NLGN2: variants seen among roughly 807,000 people sequenced by gnomAD.
The protein encoded by NLGN2 is neuroligin-2.
NLGN2 carries 11 observed loss-of-function variants against 48.6 expected under a neutral mutation model. The observed-to-expected ratio is 0.23, with a 90% CI of 0.14 to 0.37. NLGN2 has a LOEUF of 0.37. NLGN2 is among the 10% of genes least tolerant of loss of function. The pLI is 1.00. For synonymous variants in NLGN2, 548 were observed against 550.0 expected, an observed-to-expected ratio of 1.00 and a Z score of 0.05; for missense variants, 801 against 1,225.2, an observed-to-expected ratio of 0.65 and a Z score of 5.17.
intron 2 of NLGN2, 27 bp from the exon 3 acceptor site, chr17:7,414,317 C>T: frequency 7.4e-7 from 1 of 1,355,360 alleles, no homozygotes. Flanking sequence ...GACCCCCTGG[C>T]CCACCTGCCC....
intron 6 of NLGN2, 29 bp from the exon 7 acceptor site, chr17:7,416,897 C>T: frequency 6.2e-7 from 1 of 1,611,620 alleles, no homozygotes; most frequent in South Asian, 1.1e-5. Flanking sequence ...GCCCTCACTC[C>T]TCCTTTCCCT....
intron 1 of NLGN2, 64 bp from the exon 2 acceptor site, chr17:7,412,093 C>A: frequency 9.3e-7 from 1 of 1,073,090 alleles, no homozygotes; most frequent in South Asian, 1.3e-5. Flanking sequence ...CACCACCTCC[C>A]CCCGACCCCC....
Position 7,417,148 on chromosome 17 carries a change from C to A in NLGN2, c.1857C>A (p.Thr619=), listed in dbSNP as rs1463862230. ...HNLHTELFTT[T]TRLPPYATRW... is the part of the protein sequence containing the mutation. ...TGCACACGGAGCTCTTCACCACCAC[C>A]ACGCGCCTGCCTCCCTACGCCACGC... The change falls in exon 7 of 7, where the codon ACC becomes ACA. Residue 619 remains threonine, a synonymous_variant. Coordinates refer to ENST00000302926, the MANE Select transcript of NLGN2 (RefSeq NM_020795.4). 6.2e-7 allele frequency: 1 copy of A among 1,606,668 alleles called. No individual in the cohort carries two copies. The highest frequency in any genetic ancestry group is 8.5e-7 in the Non-Finnish European group (1 of 1,178,744).
At chr17:7,416,133 G>A (rs1407741264) in intron 6 of NLGN2, 26 bp downstream of exon 6, 1 of 1,485,270 alleles carries the variant, frequency 6.7e-7, no homozygotes, top group Non-Finnish European at 9.4e-7. Context: ...GCTGGGCGGG[G>A]CTGGGCGGGG....
rs746907400 is a variant in NLGN2, at chr17:7,414,365, A to G, written c.530A>G (p.Lys177Arg). Residue 177 changes from lysine (K) to arginine (R), a missense_variant, in exon 3 of 7, where the codon AAG becomes AGG. By Grantham distance (26) the Lys-to-Arg change is conservative (BLOSUM62 2). This residue lies in a region of NLGN2 where 56 missense variants were observed against 100.0 expected (regional missense o/e 0.56). Coordinates refer to ENST00000302926, the MANE Select transcript of NLGN2 (RefSeq NM_020795.4). ...ACAGATATCCGTGACCCTGGGAAGA[A>G]GCCTGTGATGCTGTTTCTCCATGGC... ...PDTDIRDPGK[K>R]PVMLFLHGGS... is the part of the protein sequence containing the mutation. 6.2e-7 allele frequency: 1 copy of G among 1,614,182 alleles called. No homozygotes were observed.
At chr17:7,406,763 G>C (rs1906662998), upstream of NLGN2, among the ~76,000 whole-genome samples, 1 of 152,012 alleles carries the variant, frequency 6.6e-6, no homozygotes, top group African/African-American at 2.4e-5. Context: ...AGCAACTGTA[G>C]GGGGGGTGGC....
intron 1 of NLGN2, among the ~76,000 whole-genome samples, chr17:7,409,008 A>T (rs1362369925): frequency 6.6e-6 from 1 of 152,128 alleles, no homozygotes; most frequent in African/African-American, 2.4e-5. Context: ...CCAAAGAGGC[A>T]CAGTCTGCCA....
upstream of NLGN2, chr17:7,404,790 C>A (rs2150808021): frequency 6.6e-6 from 1 of 152,234 alleles, no homozygotes; most frequent in South Asian, 2.1e-4. Flanking sequence ...GGAGGGCGGG[C>A]GGGCAGGCGG....
At chr17:7,410,923 G>A (rs563438260) in intron 1 of NLGN2, among the ~76,000 whole-genome samples, 33 of 152,312 alleles carry the variant, frequency 2.2e-4, no homozygotes, top group Middle Eastern at 6.8e-3. Flanking sequence ...TTCCCAGCGG[G>A]TCCCCATGGG....
chr17:7,404,962 AGCCAGGAGTCCGG>A (rs936938876), upstream of NLGN2: 2 of 151,104 alleles, frequency 1.3e-5, no homozygotes, highest in African/African-American at 2.4e-5. Context: ...TGGCGCGCGG[AGCCAGGAGTCCGG>A]GCCTCCCGGC....
Position 7,417,952 on chromosome 17 carries a change from G to T in NLGN2, c.*153G>T. The T allele has an allele frequency of 1.6e-6, 1 of 617,986 alleles. No individual in the cohort carries two copies. The allele number at this position is 617,986 out of a possible 1,614,324, so 38.3% of individuals were successfully genotyped here. On this transcript the variant is annotated 3_prime_UTR_variant, in exon 7 of 7. Coordinates refer to ENST00000302926, the MANE Select transcript of NLGN2 (RefSeq NM_020795.4). ...GACATGGGATTCCTCCCTGCGATGC[G>T]TGTCTTTCCCACGCAGAGAAGCCCA...
rs1567658981 is a variant in NLGN2 at position 7,408,183 on chromosome 17, T to TCCCTCTCCCC, written c.-68_-59dup. The TCCCTCTCCCC allele has an allele frequency of 1.2e-5, 10 of 809,000 alleles. No homozygotes were observed. The Admixed American group carries it at 1.4e-4, about 11-fold the overall frequency. 50.1% of individuals were successfully genotyped at this position (809,000 alleles called of 1,614,324 possible). The stretch of plus-strand genomic sequence containing the variant: ...CCTCCTGGGGCGAGGGGGGCCTCCC[T>TCCCTCTCCCC]CCCTCTCCCCCCCTTCTCTCTCTCT... On this transcript the variant is annotated 5_prime_UTR_variant, in exon 1 of 7. Transcript: ENST00000302926. This position sits in a 1 kb window ranked among gnomAD's most constrained non-coding sequence, Gnocchi z 7.5.
At position 7,408,045 on chromosome 17, in the gene NLGN2, C is replaced by A; in HGVS notation, c.-211C>A. 2 of 339,546 alleles carry A rather than the reference C, an allele frequency of 5.9e-6. No individual in the cohort carries two copies. Among genetic ancestry groups the A allele is most frequent in the Non-Finnish European group, 1.1e-5 (2 of 190,096 alleles). The allele number at this position is 339,546 out of a possible 1,614,324, so 21.0% of individuals were successfully genotyped here. On this transcript the variant is annotated 5_prime_UTR_variant, in exon 1 of 7. Transcript: ENST00000302926. The surrounding 1 kb of genome is among the most constrained non-coding windows in gnomAD (Gnocchi z 7.5). ...TGCCTTCACCTTCTCCCATTTCCTTCCCCTTCCCCACCCCGTGCCCCCTCC... is the reference window on the plus strand; with the variant it reads ...TGCCTTCACCTTCTCCCATTTCCTTACCCTTCCCCACCCCGTGCCCCCTCC...
chr17:7,408,419 G>A lies in NLGN2; in HGVS notation c.164G>A (p.Arg55Gln). 1 of 1,567,538 alleles carries A rather than the reference G, an allele frequency of 6.4e-7. No individual in the cohort carries two copies. The highest frequency in any genetic ancestry group is 8.6e-7 in the Non-Finnish European group (1 of 1,161,104). Residue 55 changes from arginine (R) to glutamine (Q), a missense_variant, in exon 1 of 7, where the codon CGG (arginine) becomes CAG (glutamine). This residue lies in a region of NLGN2 where 164 missense variants were observed against 186.2 expected (regional missense o/e 0.88). Transcript: ENST00000302926. The surrounding 1 kb of genome is among the most constrained non-coding windows in gnomAD (Gnocchi z 7.5). ...NTAYGRVRGV[R>Q]RELNNEILGP... Reference sequence around the variant, plus strand: ...GCCTACGGGCGAGTGCGCGGTGTGCGGCGCGAGCTCAACAACGAGATCCTG... The same window carrying A: ...GCCTACGGGCGAGTGCGCGGTGTGCAGCGCGAGCTCAACAACGAGATCCTG...
rs768281886 is a variant in NLGN2, at chr17:7,411,884, C to T, written c.458-273C>T. Among the ~76,000 whole-genome samples the T allele has an allele frequency of 2.8e-4, 43 of 152,112 alleles. No individual in the cohort carries two copies. The highest frequency in any genetic ancestry group is 1.4e-3 in the Admixed American group (21 of 15,268). Reference sequence around the variant, plus strand: ...GTCTTAAGACAGGCCTCAGCCCACTCAGGCACCCCACCCCCCCAAAACCAG... The same window carrying T: ...GTCTTAAGACAGGCCTCAGCCCACTTAGGCACCCCACCCCCCCAAAACCAG... On this transcript the variant is annotated intron_variant, in intron 1 of 6. Coordinates refer to ENST00000302926, the MANE Select transcript of NLGN2 (RefSeq NM_020795.4). This position sits in a 1 kb window ranked among gnomAD's most constrained non-coding sequence, Gnocchi z 4.5.
Position 7,417,688 on chromosome 17 carries a change from A to AC in NLGN2, c.2402dup (p.Pro802ThrfsTer196). On this transcript the variant is annotated frameshift_variant, in exon 7 of 7. Transcript: ENST00000302926. LOFTEE classifies it high-confidence loss of function. ...TGCCCAGTGGCCTGGGGCCACCGCC[A>AC]CCCCCACCGCCCCCCTCCCTTCATC... 1 of 463,048 alleles carries AC rather than the reference A, an allele frequency of 2.2e-6. No homozygotes were observed. The highest frequency in any genetic ancestry group is 5.8e-5 in the South Asian group (1 of 17,254). The allele number at this position is 463,048 out of a possible 1,614,324, so 28.7% of individuals were successfully genotyped here.
chr17:7,414,571 G>A, intron 3 of NLGN2, 78 bp downstream of exon 3: 1 of 1,611,542 alleles, frequency 6.2e-7, no homozygotes, highest in Non-Finnish European at 8.5e-7. Flanking sequence ...TCCACATCCA[G>A]CAGAATGGCT....
chr17:7,409,104 C>T (rs1198672492), intron 1 of NLGN2, among the ~76,000 whole-genome samples: 3 of 152,104 alleles, frequency 2.0e-5, no homozygotes, highest in Non-Finnish European at 2.9e-5. Context: ...CGCCTCCCGC[C>T]GCCAGACCTG....
intron 6 of NLGN2, 88 bp downstream of exon 6, chr17:7,416,195 C>T (rs930936849): frequency 1.8e-6 from 2 of 1,109,150 alleles, no homozygotes; most frequent in East Asian, 4.8e-5. Flanking sequence ...CTCACTCTGG[C>T]CTGCCCTCTT....
Sources: gnomAD v4.1 joint callset for allele counts (sites outside exome capture counted in the v4.1 genomes callset) on GRCh38, gnomAD v4.1.1 for gene constraint, gnomAD v4.1.1 regional missense constraint, Gnocchi (gnomAD v3.1) non-coding constraint, MANE v1.5 for transcripts, NCBI Gene and HGNC (gene_info 2026-07-23, HGNC 2026-07-21) for gene names.